UBE4B: variants seen among roughly 807,000 people sequenced by gnomAD.
The protein encoded by UBE4B is ubiquitination factor E4B.
UBE4B carries 27 observed loss-of-function variants against 148.1 expected under a neutral mutation model. That is an observed-to-expected ratio of 0.18 (90% CI 0.13 to 0.25). The LOEUF is 0.25. UBE4B is among the 10% of genes least tolerant of loss of function. The pLI is 1.00. For synonymous variants in UBE4B, 596 were observed against 619.3 expected (o/e 0.96, Z 0.56); for missense variants, 1,170 against 1,662.4 (o/e 0.70, Z 5.15).
At chr1:10,129,900 G>A (rs145843022) in intron 12 of UBE4B, among the ~76,000 whole-genome samples, 2,630 of 151,892 alleles carry the variant, frequency 0.017, 33 homozygotes, top group Non-Finnish European at 0.027. Context: ...TGATCCACCC[G>A]CCTCAGCCTC....
At chr1:10,154,293 G>A (rs777033482) in intron 21 of UBE4B, among the ~76,000 whole-genome samples, 2 of 150,964 alleles carry the variant, frequency 1.3e-5, no homozygotes, top group African/African-American at 2.4e-5. Context: ...TGACGCATGC[G>A]TGTAATCCCA....
chr1:10,044,727 G>A (rs1231094823), intron 1 of UBE4B, among the ~76,000 whole-genome samples: 1 of 151,872 alleles, frequency 6.6e-6, no homozygotes, highest in Non-Finnish European at 1.5e-5. Context: ...GACCATAGGC[G>A]CACGCCATCA....
Position 10,106,758 on chromosome 1 carries a change from G to A in UBE4B, c.1196+175G>A, listed in dbSNP as rs752668888. On this transcript the variant is annotated intron_variant, in intron 7 of 27. Transcript: ENST00000343090. This position sits in a 1 kb window ranked among gnomAD's most constrained non-coding sequence, Gnocchi z 4.2. Reference sequence around the variant, plus strand: ...TACTCTGAGTCCATGCTTCTGCCAGGCTCTAATCATGCTGGAAAGTTTGGG... The same window carrying A: ...TACTCTGAGTCCATGCTTCTGCCAGACTCTAATCATGCTGGAAAGTTTGGG... 3.9e-5 allele frequency among the ~76,000 whole-genome samples: 6 copies of A among 152,308 alleles called. No homozygotes were observed. Among genetic ancestry groups the A allele is most frequent in the Non-Finnish European group, 7.3e-5 (5 of 68,028 alleles).
rs185993354 is a variant in UBE4B at position 10,056,967 on chromosome 1, C to T, written c.25-15061C>T. On this transcript the variant is annotated intron_variant, in intron 1 of 27. Transcript: ENST00000343090. The stretch of plus-strand genomic sequence containing the variant: ...TAGCTGGGACTACAGGCATGTGCCA[C>T]CACACCTGGCTCATTTTTGTATTTT... Among the ~76,000 whole-genome samples, 505 of 152,182 alleles carry T rather than the reference C, an allele frequency of 3.3e-3. 1 individual carries two copies. The highest frequency in any genetic ancestry group is 5.9e-3 in the Non-Finnish European group (400 of 67,994).
At chr1:10,076,432 T>C (rs1414534470) in intron 2 of UBE4B, among the ~76,000 whole-genome samples, 2 of 151,788 alleles carry the variant, frequency 1.3e-5, no homozygotes, top group African/African-American at 2.4e-5. Flanking sequence ...TTAGTAGAGA[T>C]GGGGTTTCGC....
intron 1 of UBE4B, among the ~76,000 whole-genome samples, chr1:10,044,237 G>A (rs184560558): frequency 6.0e-5 from 9 of 151,252 alleles, no homozygotes; most frequent in Admixed American, 2.6e-4. Context: ...TATTTTTAGC[G>A]GAGACGGGGT....
intron 4 of UBE4B, among the ~76,000 whole-genome samples, chr1:10,102,333 G>GATATGTAC (rs1645026627): frequency 1.4e-5 from 2 of 145,936 alleles, no homozygotes; most frequent in Non-Finnish European, 1.5e-5. Context: ...AAATAGATAG[G>GATATGTAC]ATATGTACAT....
chr1:10,050,795 G>T (rs1409460315), intron 1 of UBE4B, among the ~76,000 whole-genome samples: 1 of 150,346 alleles, frequency 6.7e-6, no homozygotes, highest in Non-Finnish European at 1.5e-5. Flanking sequence ...CCAACTCCTG[G>T]CCTCAAGCCA....
intron 2 of UBE4B, among the ~76,000 whole-genome samples, chr1:10,077,351 C>T (rs1433887416): frequency 6.6e-6 from 1 of 152,172 alleles, no homozygotes; most frequent in Middle Eastern, 3.2e-3. Context: ...AAATTTCCCT[C>T]TTATGACAGC....
chr1:10,140,627 T>G (rs573351737), intron 17 of UBE4B, among the ~76,000 whole-genome samples: 7 of 152,274 alleles, frequency 4.6e-5, no homozygotes, highest in Admixed American at 4.6e-4. Flanking sequence ...CTTTAGAGGG[T>G]CCATTTCAAT....
intron 19 of UBE4B, among the ~76,000 whole-genome samples, chr1:10,148,336 C>T (rs1645911735): frequency 6.6e-6 from 1 of 151,752 alleles, no homozygotes; most frequent in Non-Finnish European, 1.5e-5. Context: ...TTAACCTTAG[C>T]AAGAAGTCAA....
chr1:10,105,486 A>C, intron 5 of UBE4B, 30 bp from the exon 6 acceptor site: 26 of 1,604,618 alleles, frequency 1.6e-5, no homozygotes, highest in Non-Finnish European at 2.0e-5. Context: ...AACTGTGTGT[A>C]ACCTGTTCTT....
At chr1:10,053,976 C>A (rs982016149) in intron 1 of UBE4B, among the ~76,000 whole-genome samples, 5 of 152,112 alleles carry the variant, frequency 3.3e-5, no homozygotes, top group African/African-American at 1.2e-4. Context: ...TGTGAACCAC[C>A]ATGTCCATCT....
At chr1:10,038,723 G>C (rs1452369350) in intron 1 of UBE4B, among the ~76,000 whole-genome samples, 2 of 152,164 alleles carry the variant, frequency 1.3e-5, no homozygotes, top group African/African-American at 4.8e-5. Flanking sequence ...TTGCATGAAT[G>C]CATTCATGAT....
At chr1:10,169,138 A>G (rs894377505) in intron 24 of UBE4B, among the ~76,000 whole-genome samples, 7 of 152,200 alleles carry the variant, frequency 4.6e-5, no homozygotes, top group Non-Finnish European at 1.0e-4. Flanking sequence ...GAAACTGAGC[A>G]GCATCACTGA....
At chr1:10,163,542 G>A (rs567725098) in intron 23 of UBE4B, among the ~76,000 whole-genome samples, 2 of 151,670 alleles carry the variant, frequency 1.3e-5, no homozygotes, top group Non-Finnish European at 2.9e-5. Context: ...GTGGCACGCC[G>A]CTGTAGTCCC....
rs1645610429 is a variant in UBE4B, at chr1:10,132,390, C to T, written c.1933C>T (p.His645Tyr). 11 of 1,613,828 alleles carry T rather than the reference C, an allele frequency of 6.8e-6. No homozygotes were observed. Among genetic ancestry groups the T allele is most frequent in the Non-Finnish European group, 8.5e-6 (10 of 1,179,874 alleles). Residue 645 changes from histidine to tyrosine, a missense_variant, in exon 15 of 28, where the codon CAT (histidine) becomes TAT (tyrosine). His to Tyr is a moderately conservative substitution (Grantham distance 83). Coordinates refer to ENST00000343090, the MANE Select transcript of UBE4B (RefSeq NM_001105562.3). ...TCAGCAAGAGCTTTTTAAGATTCTG[C>T]ATAGTATTTTGTTAAATGGCGAAAC... ...LGRQELFKIL[H>Y]SILLNGETRE...
chr1:10,164,585 A>G (rs1429968048), intron 23 of UBE4B, among the ~76,000 whole-genome samples: 2 of 152,202 alleles, frequency 1.3e-5, no homozygotes, highest in Non-Finnish European at 2.9e-5. Flanking sequence ...ACTTAATAGC[A>G]TTTGTTTATG....
At chr1:10,137,876 A>G (rs953409403) in intron 17 of UBE4B, among the ~76,000 whole-genome samples, 3 of 146,042 alleles carry the variant, frequency 2.1e-5, no homozygotes, top group African/African-American at 7.6e-5. Context: ...AAACTGAATC[A>G]TATTTATATC....
Sources: allele counts gnomAD v4.1 joint callset (sites outside exome capture counted in the v4.1 genomes callset), GRCh38; gene constraint gnomAD v4.1.1; non-coding constraint Gnocchi (gnomAD v3.1); transcripts MANE v1.5; gene names NCBI Gene and HGNC (gene_info 2026-07-23, HGNC 2026-07-21).